The following ACER1 variants were observed in gnomAD, a reference collection of about 807,000 sequenced individuals.
ACER1 encodes the protein alkaline ceramidase 1, also known as CTB-180A7.3.
ACER1 carries 28 observed loss-of-function variants against 24.9 expected under a neutral mutation model. The ratio of observed to expected loss-of-function variants is 1.13; its 90% confidence interval spans 0.83 to 1.54. The LOEUF (loss-of-function observed/expected upper bound fraction) is 1.54, where lower values mean the gene tolerates loss of function less well. Ranked by LOEUF, ACER1 falls within the 40% of genes most tolerant of loss-of-function variation. ACER1 has a pLI of 0.00. For synonymous variants in ACER1, 132 were observed against 131.4 expected (o/e 1.00, Z -0.03); for missense variants, 352 against 349.3 (o/e 1.01, Z -0.06).
chr19:6,320,179 T>C lies in ACER1; in HGVS notation c.94-7680A>G, dbSNP rs145846016. Among the ~76,000 whole-genome samples the C allele has an allele frequency of 1.3e-3, 194 of 151,860 alleles. 1 individual carries two copies. Among genetic ancestry groups the C allele is most frequent in the African/African-American group, 4.4e-3 (183 of 41,424 alleles). On this transcript the variant is annotated intron_variant, in intron 1 of 5. Transcript: ENST00000301452. ...AACATCTCCTCATTCTTCGTCCTCA[T>C]TGCCAAAGCTCAAACTCCCTCCCAC...
the ACER1 span, among the ~76,000 whole-genome samples, chr19:6,352,919 A>T: frequency 6.6e-6 from 1 of 152,344 alleles, no homozygotes; most frequent in Non-Finnish European, 1.5e-5. Context: ...CTCTCTGATC[A>T]TGGAGTGATA....
chr19:6,338,090 ATAGT>A (rs946625814), upstream of ACER1, among the ~76,000 whole-genome samples: 2 of 151,958 alleles, frequency 1.3e-5, no homozygotes, highest in African/African-American at 2.4e-5. Context: ...TCAAAAAAAA[ATAGT>A]TAATTAAATA....
intron 1 of ACER1, among the ~76,000 whole-genome samples, chr19:6,319,105 T>C (rs2091617763): frequency 6.6e-6 from 1 of 152,052 alleles, no homozygotes; most frequent in South Asian, 2.1e-4. Flanking sequence ...GCTGTTGTTA[T>C]TGTTGAAGGA....
At chr19:6,323,481 G>C (rs1428566931) in intron 1 of ACER1, among the ~76,000 whole-genome samples, 2 of 151,724 alleles carry the variant, frequency 1.3e-5, no homozygotes, top group Non-Finnish European at 1.5e-5. Flanking sequence ...CTTTCTCTTT[G>C]CCTGCTGCCA....
the ACER1 span, among the ~76,000 whole-genome samples, chr19:6,356,759 C>T: frequency 2.0e-5 from 3 of 151,860 alleles, no homozygotes; most frequent in African/African-American, 7.3e-5. Flanking sequence ...TTAGCAGGTC[C>T]TGTTGGCGTG....
At position 6,318,856 on chromosome 19, in the gene ACER1, G is replaced by GA. The variant is rs916791089; in HGVS notation, c.94-6358dup. Among the ~76,000 whole-genome samples the GA allele has an allele frequency of 1.7e-3, 183 of 107,814 alleles. 2 individuals carry two copies. Among genetic ancestry groups the GA allele is most frequent in the African/African-American group, 3.8e-3 (109 of 28,958 alleles). The allele number at this position is 107,814 out of a possible 152,430, so 70.7% of individuals were successfully genotyped here. ...TCTCTCTCCAACTCAAAAAGAAAAA[G>GA]AAAAAAAAAAGAAAACAAAGATGGA... On this transcript the variant is annotated intron_variant, in intron 1 of 5. Transcript: ENST00000301452.
rs778060361 is a variant in ACER1 at position 6,312,267 on chromosome 19, T to C, written c.232A>G (p.Met78Val). ...IIGLFSMYFH[M>V]TLSFLGQLLD... is the part of the protein sequence containing the mutation. ...AGCTGGCCCAGGAAGCTGAGCGTCA[T>C]GTGGAAATACATGGAGAACAGGCCT... Residue 78 changes from methionine to valine, a missense_variant, in exon 3 of 6, where the codon ATG becomes GTG. Physicochemically the swap from Met to Val is conservative, Grantham distance 21. Coordinates refer to ENST00000301452, the MANE Select transcript of ACER1 (RefSeq NM_133492.3). The C allele has an allele frequency of 1.9e-6, 3 of 1,614,070 alleles. No individual in the cohort carries two copies. The highest frequency in any genetic ancestry group is 1.1e-5 in the South Asian group (1 of 91,070).
chr19:6,307,327 A>C (rs1600232854), intron 4 of ACER1, 37 bp from the exon 5 acceptor site: 1 of 1,610,166 alleles, frequency 6.2e-7, no homozygotes, highest in Non-Finnish European at 8.5e-7. Flanking sequence ...GCTGGCTCGG[A>C]GAGCAGCACC....
At chr19:6,360,240 A>G in the ACER1 span, 1 of 151,904 alleles carries the variant, frequency 6.6e-6, no homozygotes, top group African/African-American at 2.4e-5. Flanking sequence ...CCCACAATCT[A>G]CTCCACAGGT....
At chr19:6,354,741 G>A in the ACER1 span, among the ~76,000 whole-genome samples, 1 of 152,088 alleles carries the variant, frequency 6.6e-6, no homozygotes, top group African/African-American at 2.4e-5. Flanking sequence ...GCAACATATC[G>A]ATACCTTGTC....
chr19:6,334,991 C>T (rs1039241175), upstream of ACER1, among the ~76,000 whole-genome samples: 8 of 146,196 alleles, frequency 5.5e-5, no homozygotes, highest in African/African-American at 7.5e-5. Flanking sequence ...CCTTAGCAAG[C>T]GGTTAGCAAG....
chr19:6,359,572 G>A, the ACER1 span, among the ~76,000 whole-genome samples: 4 of 151,860 alleles, frequency 2.6e-5, no homozygotes, highest in Admixed American at 1.3e-4. Context: ...CATGTCTTGG[G>A]CTCCCAAAGT....
chr19:6,336,010 C>G (rs2091713042), upstream of ACER1, among the ~76,000 whole-genome samples: 1 of 151,656 alleles, frequency 6.6e-6, no homozygotes, highest in African/African-American at 2.4e-5. Context: ...CAGCGATTCC[C>G]CTGCCTCAGC....
chr19:6,311,598 GAGAAGA>G (rs150912355), intron 3 of ACER1, among the ~76,000 whole-genome samples: 7 of 149,906 alleles, frequency 4.7e-5, no homozygotes, highest in Non-Finnish European at 8.9e-5. Context: ...GGAGGAGGCG[GAGAAGA>G]AGAAGGAGAA....
chr19:6,315,119 A>G (rs142785077), intron 1 of ACER1, among the ~76,000 whole-genome samples: 5,772 of 151,814 alleles, frequency 0.038, 371 homozygotes, highest in African/African-American at 0.13. Flanking sequence ...TCCTGACCCC[A>G]TGATCCGCCC....
chr19:6,335,259 C>G (rs1394622261), upstream of ACER1, among the ~76,000 whole-genome samples: 1 of 130,410 alleles, frequency 7.7e-6, no homozygotes, highest in Admixed American at 8.6e-5. Flanking sequence ...GAGCCTCACT[C>G]TGTCTCCCAG....
chr19:6,321,915 AG>A (rs1199349465), intron 1 of ACER1, among the ~76,000 whole-genome samples: 1 of 152,270 alleles, frequency 6.6e-6, no homozygotes, highest in East Asian at 1.9e-4. Context: ...CCCGGCCGGC[AG>A]GGAGTTTTGG....
chr19:6,328,075 C>CA (rs368610307), intron 1 of ACER1, among the ~76,000 whole-genome samples: 20,238 of 123,898 alleles, frequency 0.16, 2,514 homozygotes, highest in African/African-American at 0.37. Context: ...GACTCCATCT[C>CA]AAAAAAAAAA....
chr19:6,309,967 AGG>A (rs1291197385), intron 3 of ACER1, 133 bp from the exon 4 acceptor site: 1 of 1,180,698 alleles, frequency 8.5e-7, no homozygotes, highest in Non-Finnish European at 1.2e-6. Context: ...GGCTCAGAAA[AGG>A]GTCCTAGCCA....
Sources: allele counts gnomAD v4.1 joint callset (sites outside exome capture counted in the v4.1 genomes callset), GRCh38; gene constraint gnomAD v4.1.1; transcripts MANE v1.5; gene names NCBI Gene and HGNC (gene_info 2026-07-23, HGNC 2026-07-21).